Variants in CTNND1 observed in about 807,000 individuals in gnomAD.
The protein encoded by CTNND1 is catenin delta-1.
A neutral mutation model predicts 112.1 loss-of-function variants in CTNND1; 16 were observed. The ratio of observed to expected loss-of-function variants is 0.14; its 90% CI spans 0.10 to 0.22. CTNND1 has a LOEUF of 0.22. Among genes scored for constraint, CTNND1 ranks in the 10% least tolerant of loss-of-function variants. The probability of loss-of-function intolerance (pLI) is 1.00; values close to 1 mark genes in which losing one functional copy is unlikely to be tolerated. For synonymous variants in CTNND1, 420 were observed against 446.5 expected, an observed-to-expected ratio of 0.94 and a Z score of 0.75; for missense variants, 1,008 against 1,257.0, an observed-to-expected ratio of 0.80 and a Z score of 3.00.
At chr11:57,799,673 C>G (rs1373264054) in intron 6 of CTNND1, among the ~76,000 whole-genome samples, 1 of 152,136 alleles carries the variant, frequency 6.6e-6, no homozygotes, top group African/African-American at 2.4e-5. Context: ...AATGTCCAAT[C>G]CACTGCCTTT....
intron 3 of CTNND1, chr11:57,793,369 G>A (rs1178082013): frequency 1.3e-5 from 2 of 152,252 alleles, no homozygotes; most frequent in Non-Finnish European, 2.9e-5. Context: ...AAGATATTGA[G>A]CCTTCTGTTT....
chr11:57,789,270 T>C, intron 2 of CTNND1, 115 bp downstream of exon 2: 2 of 669,780 alleles, frequency 3.0e-6, no homozygotes, highest in East Asian at 2.9e-5. Flanking sequence ...CTTTTTTCTT[T>C]ATGGGTTGGT....
chr11:57,786,190 ATT>A (rs10715396), intron 1 of CTNND1, among the ~76,000 whole-genome samples: 2,757 of 132,552 alleles, frequency 0.021, 64 homozygotes, highest in African/African-American at 0.062. Flanking sequence ...GAATTCTTTG[ATT>A]TTTTTTTTTT....
At chr11:57,811,841 TAAC>T (rs1458895701) in intron 17 of CTNND1, among the ~76,000 whole-genome samples, 1 of 152,118 alleles carries the variant, frequency 6.6e-6, no homozygotes, top group African/African-American at 2.4e-5. Context: ...ATCAGAAAAA[TAAC>T]AAAAAATCAC....
At chr11:57,805,804 T>C (rs573218525) in intron 9 of CTNND1, 78 bp from the exon 10 acceptor site, 4 of 1,492,918 alleles carry the variant, frequency 2.7e-6, no homozygotes, top group Non-Finnish European at 3.6e-6. Context: ...TTTTAATACC[T>C]GAGTCATGGA....
chr11:57,792,750 C>T (rs189267601), intron 3 of CTNND1, among the ~76,000 whole-genome samples: 5 of 151,784 alleles, frequency 3.3e-5, no homozygotes, highest in Admixed American at 3.3e-4. Flanking sequence ...AGGATGGTCT[C>T]GATCTCTTGA....
intron 1 of CTNND1, among the ~76,000 whole-genome samples, chr11:57,778,238 C>G (rs1019993961): frequency 6.6e-6 from 1 of 151,986 alleles, no homozygotes; most frequent in Non-Finnish European, 1.5e-5. Flanking sequence ...TGGAGCCTGT[C>G]TTAGTAATCA....
intron 17 of CTNND1, among the ~76,000 whole-genome samples, chr11:57,813,538 A>G (rs1212400270): frequency 6.6e-6 from 1 of 152,238 alleles, no homozygotes; most frequent in African/African-American, 2.4e-5. Flanking sequence ...AATGGATTTT[A>G]ACTAAACAGA....
Position 57,796,940 on chromosome 11 carries a change from T to TTTA in CTNND1, c.904_905insTTA (p.Tyr302delinsPheAsn). On this transcript the variant is annotated protein_altering_variant, in exon 6 of 21. Coordinates refer to ENST00000399050, the MANE Select transcript of CTNND1 (RefSeq NM_001085458.2). ...CCTGGATTATGGTATGATGTCTGAT[T>TTTA]ATGGCACTGCCCGTCGGACTGGGAC... 3 of 1,553,586 alleles carry TTTA rather than the reference T, an allele frequency of 1.9e-6. No individual in the cohort carries two copies. The highest frequency in any genetic ancestry group is 1.2e-5 in the South Asian group (1 of 83,704).
rs1369300504 is a variant in CTNND1 at position 57,791,667 on chromosome 11, G to T, written c.189G>T (p.Arg63=). The T allele has an allele frequency of 6.4e-7, 1 of 1,567,394 alleles. No homozygotes were observed. The highest frequency in any genetic ancestry group is 1.2e-5 in the South Asian group (1 of 85,708). Residue 63 remains arginine (R), a synonymous_variant, in exon 3 of 21, where the codon CGG becomes CGT. Transcript: ENST00000399050. The stretch of plus-strand genomic sequence containing the variant: ...TGGCCAACGGCACACTCACCCGCCG[G>T]CATCAGGTAACCCCTCTCTCCATCA... ...PLMANGTLTR[R]HQNGRFVGDA...
At chr11:57,791,752 A>G (rs560846436) in intron 3 of CTNND1, 79 bp downstream of exon 3, 261 of 1,416,822 alleles carry the variant, frequency 1.8e-4, no homozygotes, top group African/African-American at 8.9e-5. Flanking sequence ...TTGGGAAGCT[A>G]CTCTCCTTTT....
intron 11 of CTNND1, 39 bp from the exon 12 acceptor site, chr11:57,806,876 C>T (rs1196540279): frequency 6.0e-6 from 9 of 1,507,320 alleles, no homozygotes; most frequent in Non-Finnish European, 7.2e-6. Context: ...CTTTTTTAAA[C>T]TGGCTTACCC....
intron 1 of CTNND1, among the ~76,000 whole-genome samples, chr11:57,785,060 C>T (rs1162338259): frequency 6.6e-6 from 1 of 152,152 alleles, no homozygotes; most frequent in African/African-American, 2.4e-5. Flanking sequence ...AAGACTTGGA[C>T]CCCCAGTCTT....
At chr11:57,790,875 G>A (rs1374542654) in intron 2 of CTNND1, among the ~76,000 whole-genome samples, 1 of 151,968 alleles carries the variant, frequency 6.6e-6, no homozygotes, top group Non-Finnish European at 1.5e-5. Flanking sequence ...TTCTTAATTG[G>A]CATTTAGTTT....
intron 14 of CTNND1, among the ~76,000 whole-genome samples, chr11:57,808,797 A>G (rs895347181): frequency 6.6e-6 from 1 of 152,206 alleles, no homozygotes; most frequent in Non-Finnish European, 1.5e-5. Context: ...AGCGTTGTTA[A>G]ACACTTCTGT....
intron 1 of CTNND1, among the ~76,000 whole-genome samples, chr11:57,776,010 C>T (rs1039654662): frequency 4.0e-4 from 61 of 152,154 alleles, no homozygotes; most frequent in African/African-American, 1.4e-3. Flanking sequence ...AGGGAAGAAA[C>T]TGAAACTCAT....
intron 17 of CTNND1, among the ~76,000 whole-genome samples, chr11:57,812,910 G>T (rs1427683395): frequency 6.6e-6 from 1 of 152,210 alleles, no homozygotes; most frequent in African/African-American, 2.4e-5. Flanking sequence ...TCTCAAAAAC[G>T]AATGCGATAA....
intron 1 of CTNND1, among the ~76,000 whole-genome samples, chr11:57,783,989 G>A (rs191964018): frequency 6.6e-6 from 1 of 151,942 alleles, no homozygotes; most frequent in East Asian, 2.0e-4. Context: ...TAGTGATTGT[G>A]GCTCACTGTG....
rs1207287527 is a variant in CTNND1 at position 57,788,697 on chromosome 11, T to TC, written c.-213-338dup. On this transcript the variant is annotated intron_variant, in intron 1 of 20. Coordinates refer to ENST00000399050, the MANE Select transcript of CTNND1 (RefSeq NM_001085458.2). This position sits in a 1 kb window ranked among gnomAD's most constrained non-coding sequence, Gnocchi z 4.1. The stretch of plus-strand genomic sequence containing the variant: ...GGTGGGAAGGGAGGGGGAAGGGCAT[T>TC]CCAACAGCAGTTTTTTTCTTTTTCC... Among the ~76,000 whole-genome samples, 1 of 152,152 alleles carries TC rather than the reference T, an allele frequency of 6.6e-6. No homozygotes were observed. The highest frequency in any genetic ancestry group is 1.9e-4 in the East Asian group (1 of 5,202).
Sources: gnomAD v4.1 joint callset for allele counts (sites outside exome capture counted in the v4.1 genomes callset) on GRCh38, gnomAD v4.1.1 for gene constraint, Gnocchi (gnomAD v3.1) non-coding constraint, MANE v1.5 for transcripts, NCBI Gene and HGNC (gene_info 2026-07-23, HGNC 2026-07-21) for gene names.